The following CSMD2 variants were observed in gnomAD, a reference collection of about 807,000 sequenced individuals.
The protein encoded by CSMD2 is CUB and sushi domain-containing protein 2.
In CSMD2, 130 loss-of-function variants were observed where a neutral mutation model predicts 398.5. The ratio of observed to expected loss-of-function variants is 0.33; its 90% CI spans 0.28 to 0.38. The LOEUF is 0.38. CSMD2 is among the 10% of genes least tolerant of loss of function. The pLI is 1.00. For missense variants in CSMD2, 3,829 were observed against 4,764.9 expected (o/e 0.80, Z 5.78); for synonymous variants, 1,828 against 1,908.5 (o/e 0.96, Z 1.10).
In CSMD2 at chr1:33,897,292, T is replaced by C. The variant is rs560275369; in HGVS notation, c.920+20802A>G. On this transcript the variant is annotated intron_variant, in intron 5 of 70. Coordinates refer to ENST00000373381, the MANE Select transcript of CSMD2 (RefSeq NM_001281956.2). ...CTCAGTGCTAGGTGGCCAGCAAACA[T>C]TGAAGGTGGTGGAAACAGATCTGGA... 1.3e-4 allele frequency among the ~76,000 whole-genome samples: 20 copies of C among 152,026 alleles called. No homozygotes were observed. In the East Asian group the frequency reaches 2.5e-3, roughly 19 times the overall value.
chr1:33,616,214 C>T (rs977021868), intron 39 of CSMD2, among the ~76,000 whole-genome samples: 1 of 152,078 alleles, frequency 6.6e-6, no homozygotes, highest in African/African-American at 2.4e-5. Context: ...ACGTAGCCCT[C>T]AGCATTTCTT....
intron 22 of CSMD2, among the ~76,000 whole-genome samples, chr1:33,704,810 G>A (rs2149133582): frequency 6.6e-6 from 1 of 152,280 alleles, no homozygotes; most frequent in Non-Finnish European, 1.5e-5. Flanking sequence ...CACCCAGGCT[G>A]GAGTGCAGTG....
In CSMD2 at chr1:33,537,682, T is replaced by C; in HGVS notation, c.9632-73A>G. On this transcript the variant is annotated intron_variant, in intron 60 of 70. Transcript: ENST00000373381. The surrounding 1 kb of genome is among the most constrained non-coding windows in gnomAD (Gnocchi z 4.6). ...CCAATCTTCCAGTCCCACACCCCCA[T>C]CTTTGTTCTTTGCACTGCTCCCTTC... 2 of 1,455,406 alleles carry C rather than the reference T, an allele frequency of 1.4e-6. No homozygotes were observed. The highest frequency in any genetic ancestry group is 1.9e-6 in the Non-Finnish European group (2 of 1,078,316). 90.2% of individuals were successfully genotyped at this position (1,455,406 alleles called of 1,614,324 possible).
intron 15 of CSMD2, among the ~76,000 whole-genome samples, chr1:33,729,370 T>C (rs1190682044): frequency 6.6e-6 from 1 of 152,162 alleles, no homozygotes; most frequent in Non-Finnish European, 1.5e-5. Flanking sequence ...ACCTATTTAA[T>C]CATTCTGTCC....
intron 13 of CSMD2, among the ~76,000 whole-genome samples, chr1:33,757,939 T>C (rs1318087654): frequency 2.6e-5 from 4 of 152,234 alleles, no homozygotes; most frequent in African/African-American, 9.6e-5. Flanking sequence ...TTCACTCATT[T>C]TGAATCCATC....
chr1:33,767,692 T>C (rs1650689311), intron 13 of CSMD2, among the ~76,000 whole-genome samples: 2 of 152,196 alleles, frequency 1.3e-5, no homozygotes, highest in Non-Finnish European at 2.9e-5. Context: ...CAGTATATTG[T>C]ATGTTGGGGG....
intron 12 of CSMD2, among the ~76,000 whole-genome samples, chr1:33,782,463 G>A (rs476463): frequency 0.19 from 28,320 of 152,054 alleles, 3,515 homozygotes; most frequent in African/African-American, 0.35. Context: ...CTCTTCACAG[G>A]TTAGGAAATT....
rs191577514 is a variant in CSMD2 at position 33,888,017 on chromosome 1, A to T, written c.920+30077T>A. 3.9e-3 allele frequency among the ~76,000 whole-genome samples: 599 copies of T among 152,262 alleles called. 1 individual carries two copies. Among genetic ancestry groups the T allele is most frequent in the Non-Finnish European group, 7.2e-3 (487 of 67,994 alleles). On this transcript the variant is annotated intron_variant, in intron 5 of 70. Coordinates refer to ENST00000373381, the MANE Select transcript of CSMD2 (RefSeq NM_001281956.2). ...GTGACAAATGGCCCTATTCACTATA[A>T]CAATAAAAACTATAAAAGGACCTAG... is the stretch of plus-strand genomic sequence containing the variant.
intron 14 of CSMD2, among the ~76,000 whole-genome samples, chr1:33,740,492 T>C (rs1309783591): frequency 1.3e-5 from 2 of 152,214 alleles, no homozygotes; most frequent in African/African-American, 2.4e-5. Context: ...TGCTGGATCT[T>C]GCTAGAGGCA....
Position 33,923,585 on chromosome 1 carries a change from A to T in CSMD2, c.713-5284T>A, listed in dbSNP as rs909296657. The stretch of plus-strand genomic sequence containing the variant: ...ACACAGTAGGTGTAATGATCCATTC[A>T]GGGTATTTAGGGCATCCATCACCTC... On this transcript the variant is annotated intron_variant, in intron 4 of 70. Coordinates refer to ENST00000373381, the MANE Select transcript of CSMD2 (RefSeq NM_001281956.2). Among the ~76,000 whole-genome samples, 11 of 152,356 alleles carry T rather than the reference A, an allele frequency of 7.2e-5. No individual in the cohort carries two copies. In the East Asian group the frequency reaches 2.1e-3, roughly 29 times the overall value.
intron 1 of CSMD2, among the ~76,000 whole-genome samples, chr1:34,129,779 C>T (rs1056368778): frequency 1.3e-5 from 2 of 152,226 alleles, no homozygotes; most frequent in Non-Finnish European, 2.9e-5. Context: ...CTCAGTGCTC[C>T]CTGCACACAC....
At chr1:33,583,861 G>C in intron 46 of CSMD2, 31 bp from the exon 47 acceptor site, 1 of 1,592,874 alleles carries the variant, frequency 6.3e-7, no homozygotes, top group Non-Finnish European at 8.6e-7. Flanking sequence ...CACCAAGTAC[G>C]TGGGGGTGGA....
intron 41 of CSMD2, among the ~76,000 whole-genome samples, chr1:33,606,447 A>G (rs756840714): frequency 6.6e-6 from 1 of 152,234 alleles, no homozygotes; most frequent in Non-Finnish European, 1.5e-5. Flanking sequence ...AGTACCTCAC[A>G]GGGAAGTCTC....
chr1:33,990,241 C>T (rs1646503970), intron 3 of CSMD2, among the ~76,000 whole-genome samples: 1 of 152,066 alleles, frequency 6.6e-6, no homozygotes, highest in Non-Finnish European at 1.5e-5. Flanking sequence ...CACTGCACTC[C>T]AGCCTGGACG....
chr1:34,104,741 C>T (rs117516520), intron 1 of CSMD2, among the ~76,000 whole-genome samples: 2 of 152,204 alleles, frequency 1.3e-5, no homozygotes, highest in Non-Finnish European at 2.9e-5. Context: ...CTGGCAGGGG[C>T]ACCTTGTCCG....
At chr1:34,072,938 C>T (rs908312735) in intron 2 of CSMD2, among the ~76,000 whole-genome samples, 3 of 152,120 alleles carry the variant, frequency 2.0e-5, no homozygotes, top group South Asian at 2.1e-4. Flanking sequence ...TAACCCCCTT[C>T]GGTGCTGGTC....
Position 33,624,986 on chromosome 1 carries a change from C to G in CSMD2, c.5500+65G>C. On this transcript the variant is annotated intron_variant, in intron 34 of 70. Coordinates refer to ENST00000373381, the MANE Select transcript of CSMD2 (RefSeq NM_001281956.2). This position sits in a 1 kb window ranked among gnomAD's most constrained non-coding sequence, Gnocchi z 4.7. ...GGGGCATCACTGGGGCTGACTGCCT[C>G]CCCTACAGAGAAAGGACTACGTGCC... 6.6e-7 allele frequency: 1 copy of G among 1,509,692 alleles called. No individual in the cohort carries two copies. Among genetic ancestry groups the G allele is most frequent in the South Asian group, 1.1e-5 (1 of 88,148 alleles). 93.5% of individuals were successfully genotyped at this position (1,509,692 alleles called of 1,614,324 possible). A position where few individuals can be genotyped will look rare whatever the true frequency, so the allele number is the denominator to read the frequency against.
At chr1:33,755,797 C>T (rs1648911089) in intron 13 of CSMD2, among the ~76,000 whole-genome samples, 3 of 151,204 alleles carry the variant, frequency 2.0e-5, no homozygotes, top group South Asian at 2.1e-4. Flanking sequence ...AGGTGTGTGC[C>T]ACTATGTCTG....
chr1:33,621,440 A>G (rs141851829), intron 37 of CSMD2, among the ~76,000 whole-genome samples: 291 of 152,276 alleles, frequency 1.9e-3, no homozygotes, highest in African/African-American at 6.6e-3. Flanking sequence ...ACCTCTCTTT[A>G]GTGGACTTTG....
Sources: allele counts gnomAD v4.1 joint callset (sites outside exome capture counted in the v4.1 genomes callset), GRCh38; gene constraint gnomAD v4.1.1; non-coding constraint Gnocchi (gnomAD v3.1); transcripts MANE v1.5; gene names NCBI Gene and HGNC (gene_info 2026-07-23, HGNC 2026-07-21).